Variants in ZSCAN31 observed in about 807,000 individuals in gnomAD.
ZSCAN31 encodes the protein zinc finger and SCAN domain-containing protein 31.
Under a neutral mutation model 22.5 loss-of-function variants are expected in ZSCAN31, and 14 were observed. The observed-to-expected ratio is 0.62, with a 90% confidence interval of 0.41 to 0.97. ZSCAN31 has a LOEUF of 0.97. ZSCAN31 is among the 50% of genes least tolerant of loss of function. The pLI is 0.00. For missense variants in ZSCAN31, 424 were observed against 483.4 expected, an observed-to-expected ratio of 0.88 and a Z score of 1.15; for synonymous variants, 168 against 169.8, an observed-to-expected ratio of 0.99 and a Z score of 0.08.
In ZSCAN31 at chr6:28,326,350, G is replaced by T. The variant is rs753760721; in HGVS notation, c.1037C>A (p.Thr346Asn). ...ACGACACTGATAGCGCTTCTCTCCA[G>T]TGTGTATCCTCTGATGCTGAACAAG... ...SCLVQHQRIH[T>N]GEKRYQCREC... The change falls in exon 4 of 4, where the codon ACT becomes AAT. Residue 346 changes from threonine (T) to asparagine (N), a missense_variant. Coordinates refer to ENST00000344279, the MANE Select transcript of ZSCAN31 (RefSeq NM_030899.5). The T allele has an allele frequency of 6.2e-7, 1 of 1,614,260 alleles. No individual in the cohort carries two copies. The highest frequency in any genetic ancestry group is 8.5e-7 in the Non-Finnish European group (1 of 1,180,048).
At position 28,331,438 on chromosome 6, in the gene ZSCAN31, G is replaced by A. The variant is rs1763729747; in HGVS notation, c.-95-1660C>T. On this transcript the variant is annotated intron_variant, in intron 1 of 3. Coordinates refer to ENST00000344279, the MANE Select transcript of ZSCAN31 (RefSeq NM_030899.5). This position sits in a 1 kb window ranked among gnomAD's most constrained non-coding sequence, Gnocchi z 4.8. ...TTCCAATATTATGTGTCTACTAGGT[G>A]TCTGGAATAAAGGAACGGTCCCTAA... 5.3e-5 allele frequency among the ~76,000 whole-genome samples: 8 copies of A among 152,146 alleles called. No homozygotes were observed.
In ZSCAN31 at chr6:28,329,344, C is replaced by T; in HGVS notation, c.340G>A (p.Val114Ile). The T allele has an allele frequency of 6.2e-7, 1 of 1,605,052 alleles. No homozygotes were observed. Among genetic ancestry groups the T allele is most frequent in the Non-Finnish European group, 8.5e-7 (1 of 1,176,320 alleles). Residue 114 changes from valine to isoleucine, a missense_variant, in exon 2 of 4, where the codon GTT (valine) becomes ATT (isoleucine). Val to Ile is a conservative substitution (Grantham distance 29, BLOSUM62 3). Transcript: ENST00000344279. ...CTAAGCTCTTGTTCCAGATCTTCAA[C>T]TACAGCCACAGCCTCCTCCCCACTC... Reference protein sequence around the residue: ...PESGEEAVAVVEDLEQELSEP... With the variant: ...PESGEEAVAVIEDLEQELSEP...
chr6:28,341,432 G>C (rs1764408348), intron 3 of ZSCAN31, among the ~76,000 whole-genome samples: 1 of 152,156 alleles, frequency 6.6e-6, no homozygotes, highest in Non-Finnish European at 1.5e-5. Flanking sequence ...GGGCAAACAG[G>C]CTCCCTCTAG....
chr6:28,326,243 T>C lies in ZSCAN31; in HGVS notation c.1144A>G (p.Ser382Gly). The change falls in exon 4 of 4, where the codon AGT (serine) becomes GGT (glycine). Residue 382 changes from serine (S) to glycine (G), a missense_variant. Coordinates refer to ENST00000344279, the MANE Select transcript of ZSCAN31 (RefSeq NM_030899.5). ...VHTGEKPYQC[S>G]QCSKLFSKRT... is the part of the protein sequence containing the mutation. ...TTACTAAAGAGTTTACTGCACTGAC[T>C]GCACTGATAGGGTTTCTCACCAGTG... 1 of 1,614,134 alleles carries C rather than the reference T, an allele frequency of 6.2e-7. No individual in the cohort carries two copies. The highest frequency in any genetic ancestry group is 8.5e-7 in the Non-Finnish European group (1 of 1,180,022).
intron 2 of ZSCAN31, among the ~76,000 whole-genome samples, chr6:28,350,601 C>T (rs1261161701): frequency 1.3e-5 from 2 of 152,046 alleles, no homozygotes; most frequent in Non-Finnish European, 1.5e-5. Context: ...TGAATGCATT[C>T]GTATGGGTAA....
intron 2 of ZSCAN31, chr6:28,353,775 C>G (rs1765223050): frequency 1.1e-5 from 5 of 454,474 alleles, no homozygotes; most frequent in South Asian, 4.7e-5. Context: ...AAGAAAAGGT[C>G]AAGAACAGAA....
Position 28,329,701 on chromosome 6 carries a change from A to G in ZSCAN31, c.-18T>C. 6.3e-7 allele frequency: 1 copy of G among 1,597,996 alleles called. No homozygotes were observed. ...GAAGCCATTCCTGGGGTTAATTTGG[A>G]AGGCTTACTCTGGCTTTAAGTAAAG... On this transcript the variant is annotated 5_prime_UTR_variant, in exon 2 of 4. Transcript: ENST00000344279.
At chr6:28,337,519 T>A (rs1764238650), upstream of ZSCAN31, among the ~76,000 whole-genome samples, 1 of 152,138 alleles carries the variant, frequency 6.6e-6, no homozygotes, top group Non-Finnish European at 1.5e-5. Flanking sequence ...AGAAGACAGA[T>A]AATACATGTT....
At chr6:28,327,908 C>G (rs1222375519) in intron 2 of ZSCAN31, among the ~76,000 whole-genome samples, 1 of 152,000 alleles carries the variant, frequency 6.6e-6, no homozygotes, top group African/African-American at 2.4e-5. Context: ...TTTCCTTAAG[C>G]GTCAGCCAGC....
upstream of ZSCAN31, among the ~76,000 whole-genome samples, chr6:28,339,751 T>C (rs1051712873): frequency 6.6e-6 from 1 of 152,250 alleles, no homozygotes; most frequent in African/African-American, 2.4e-5. Flanking sequence ...TAAAATTCTC[T>C]ATTGTTATTT....
chr6:28,325,789 T>G lies in ZSCAN31; in HGVS notation c.*377A>C, dbSNP rs1030464217. ...TACATAGATACTGGTCTTTTAGAAT[T>G]GTTCAATATGCAGTATTGCTCAAAA... On this transcript the variant is annotated 3_prime_UTR_variant, in exon 4 of 4. Transcript: ENST00000344279. The G allele has an allele frequency of 6.1e-6, 1 of 164,378 alleles. No homozygotes were observed. The highest frequency in any genetic ancestry group is 2.4e-5 in the African/African-American group (1 of 41,724). 10.2% of individuals were successfully genotyped at this position (164,378 alleles called of 1,614,324 possible).
At chr6:28,337,529 TAA>T (rs1314796780), upstream of ZSCAN31, among the ~76,000 whole-genome samples, 2 of 152,138 alleles carry the variant, frequency 1.3e-5, no homozygotes, top group Non-Finnish European at 2.9e-5. Context: ...TAATACATGT[TAA>T]GAGGTTGAAT....
chr6:28,346,692 G>A (rs1764660854), intron 2 of ZSCAN31, among the ~76,000 whole-genome samples: 1 of 152,092 alleles, frequency 6.6e-6, no homozygotes, highest in South Asian at 2.1e-4. Flanking sequence ...ATGGACAAGT[G>A]CAGCAGCCAC....
chr6:28,334,881 A>C (rs1764021196), intron 1 of ZSCAN31, among the ~76,000 whole-genome samples: 1 of 152,214 alleles, frequency 6.6e-6, no homozygotes, highest in Admixed American at 6.5e-5. Flanking sequence ...TATGTAGGGA[A>C]ATGTCCCCAA....
chr6:28,343,295 A>G (rs2113855327), intron 2 of ZSCAN31, among the ~76,000 whole-genome samples: 1 of 152,310 alleles, frequency 6.6e-6, no homozygotes, highest in East Asian at 1.9e-4. Context: ...TTCCCCAGAC[A>G]AAAGAGTACT....
chr6:28,327,579 G>C, intron 2 of ZSCAN31, 46 bp from the exon 3 acceptor site: 1 of 1,582,944 alleles, frequency 6.3e-7, no homozygotes, highest in Non-Finnish European at 8.6e-7. Flanking sequence ...GATTATAGGA[G>C]TACAAGCTAA....
rs1389393929 is a variant in ZSCAN31 at position 28,329,251 on chromosome 6, C to T, written c.381+52G>A. Reference sequence around the variant, plus strand: ...AGCCAACCAACCTGTGTCACCAAACCCCACCTTTCATTTAGTATTTAATGT... The same window carrying T: ...AGCCAACCAACCTGTGTCACCAAACTCCACCTTTCATTTAGTATTTAATGT... On this transcript the variant is annotated intron_variant, in intron 2 of 3. Coordinates refer to ENST00000344279, the MANE Select transcript of ZSCAN31 (RefSeq NM_030899.5). 4.6e-6 allele frequency: 7 copies of T among 1,523,648 alleles called. No individual in the cohort carries two copies. The South Asian group carries it at 6.7e-5, about 15-fold the overall frequency. The allele number at this position is 1,523,648 out of a possible 1,614,324, so 94.4% of individuals were successfully genotyped here.
At chr6:28,356,018 C>T (rs1001786016), upstream of ZSCAN31, 3 of 152,298 alleles carry the variant, frequency 2.0e-5, no homozygotes, top group African/African-American at 7.2e-5. Flanking sequence ...TGCCGAGGTC[C>T]AAAGATACAG....
rs1324476515 is a variant in ZSCAN31 at position 28,347,330 on chromosome 6, ACTTC to A, written c.-370-5542_-370-5539del. On this transcript the variant is annotated intron_variant, in intron 2 of 7. Transcript: ENST00000396838. This position sits in a 1 kb window ranked among gnomAD's most constrained non-coding sequence, Gnocchi z 5.2. ...CCTTGCTGTTTCCTCTACCGGGAAC[ACTTC>A]CTTAGATATGCACAGGGCTAACCCC... Among the ~76,000 whole-genome samples, 2 of 152,168 alleles carry A rather than the reference ACTTC, an allele frequency of 1.3e-5. No homozygotes were observed. The highest frequency in any genetic ancestry group is 2.9e-5 in the Non-Finnish European group (2 of 68,016).
Sources: gnomAD v4.1 joint callset for allele counts (sites outside exome capture counted in the v4.1 genomes callset) on GRCh38, gnomAD v4.1.1 for gene constraint, Gnocchi (gnomAD v3.1) non-coding constraint, MANE v1.5 for transcripts, NCBI Gene and HGNC (gene_info 2026-07-23, HGNC 2026-07-21) for gene names.